THSD7B: variants seen among roughly 807,000 people sequenced by gnomAD.
The protein encoded by THSD7B is thrombospondin type-1 domain-containing protein 7B.
In THSD7B, 138 loss-of-function variants were observed where a neutral mutation model predicts 213.6. That is an observed-to-expected ratio of 0.65 (90% CI 0.56 to 0.74). The LOEUF (loss-of-function observed/expected upper bound fraction) is 0.74. THSD7B is among the 30% of genes least tolerant of loss of function. The pLI, the probability that THSD7B is intolerant of heterozygous loss-of-function variation, is 0.00. For missense variants in THSD7B, 1,931 were observed against 1,991.5 expected (o/e 0.97, Z 0.58); for synonymous variants, 742 against 687.0 (o/e 1.08, Z -1.25).
intron 3 of THSD7B, among the ~76,000 whole-genome samples, chr2:137,074,898 A>G (rs35696260): frequency 0.097 from 14,775 of 152,256 alleles, 983 homozygotes; most frequent in African/African-American, 0.19. Flanking sequence ...TTCTTTAAGA[A>G]TGTTAAATAT....
At chr2:137,335,049 A>G (rs1684607442) in intron 12 of THSD7B, among the ~76,000 whole-genome samples, 1 of 152,220 alleles carries the variant, frequency 6.6e-6, no homozygotes, top group Non-Finnish European at 1.5e-5. Context: ...TAAGTCAATT[A>G]AAGCTCTTTT....
At chr2:137,367,126 T>G (rs969990537) in intron 12 of THSD7B, among the ~76,000 whole-genome samples, 2 of 152,224 alleles carry the variant, frequency 1.3e-5, no homozygotes, top group African/African-American at 2.4e-5. Flanking sequence ...CCATGATGCA[T>G]CAAGTAGCTA....
intron 27 of THSD7B, among the ~76,000 whole-genome samples, chr2:137,675,403 CATATATAT>C (rs55940004): frequency 0.012 from 1,409 of 116,378 alleles, 24 homozygotes; most frequent in African/African-American, 0.038. Flanking sequence ...AAATGAATGC[CATATATAT>C]ATATATATAT....
chr2:136,824,610 C>A (rs910858775), intron 1 of THSD7B, among the ~76,000 whole-genome samples: 1 of 152,124 alleles, frequency 6.6e-6, no homozygotes, highest in African/African-American at 2.4e-5. Context: ...TTTGCAAACT[C>A]TAACACATGG....
At chr2:137,432,623 G>A (rs1371567441) in intron 14 of THSD7B, among the ~76,000 whole-genome samples, 1 of 152,156 alleles carries the variant, frequency 6.6e-6, no homozygotes, top group Non-Finnish European at 1.5e-5. Flanking sequence ...GCAGTAAAGG[G>A]AACATTGTGT....
chr2:137,375,384 A>G (rs1030188404), intron 12 of THSD7B, among the ~76,000 whole-genome samples: 1 of 152,212 alleles, frequency 6.6e-6, no homozygotes, highest in African/African-American at 2.4e-5. Flanking sequence ...GTTTACATTG[A>G]AAAATGAATC....
chr2:137,036,810 C>CTGTTG (rs1436972470), intron 2 of THSD7B, among the ~76,000 whole-genome samples: 1 of 152,144 alleles, frequency 6.6e-6, no homozygotes, highest in East Asian at 1.9e-4. Context: ...TACTGGAGTT[C>CTGTTG]TTGTCTGTCC....
chr2:137,579,103 G>GACAAAATA (rs1681522748), intron 17 of THSD7B, among the ~76,000 whole-genome samples: 1 of 152,004 alleles, frequency 6.6e-6, no homozygotes, highest in Non-Finnish European at 1.5e-5. Flanking sequence ...TATTCTAGAG[G>GACAAAATA]GTCTCAGTAC....
chr2:137,533,487 G>A (rs1680440447), intron 15 of THSD7B, among the ~76,000 whole-genome samples: 1 of 151,766 alleles, frequency 6.6e-6, no homozygotes, highest in African/African-American at 2.4e-5. Flanking sequence ...CTGACATTTA[G>A]CAAGAAGGTA....
chr2:137,021,873 A>G (rs1452920928), intron 2 of THSD7B, among the ~76,000 whole-genome samples: 1 of 152,182 alleles, frequency 6.6e-6, no homozygotes, highest in Non-Finnish European at 1.5e-5. Flanking sequence ...CTTTCACTGA[A>G]TGGACACTTT....
At chr2:136,968,798 T>A (rs571091801) in intron 2 of THSD7B, among the ~76,000 whole-genome samples, 1 of 152,136 alleles carries the variant, frequency 6.6e-6, no homozygotes, top group Non-Finnish European at 1.5e-5. Flanking sequence ...GCCTTTAAAC[T>A]TTTTTGGTTT....
intron 15 of THSD7B, among the ~76,000 whole-genome samples, chr2:137,537,861 A>G (rs919938784): frequency 2.6e-5 from 4 of 151,894 alleles, no homozygotes; most frequent in Admixed American, 6.6e-5. Flanking sequence ...AATATTTAAA[A>G]AAATATGATC....
intron 2 of THSD7B, among the ~76,000 whole-genome samples, chr2:136,892,501 T>C (rs1051818261): frequency 5.3e-5 from 8 of 150,870 alleles, no homozygotes; most frequent in Admixed American, 4.6e-4. Context: ...CTACCTACGC[T>C]GGACTACTGA....
intron 1 of THSD7B, among the ~76,000 whole-genome samples, chr2:136,819,660 G>C (rs1442584768): frequency 6.6e-6 from 1 of 152,044 alleles, no homozygotes; most frequent in Non-Finnish European, 1.5e-5. Context: ...GCAAGAGCTA[G>C]AGAGGCTCCT....
chr2:137,168,133 G>A (rs951979576), intron 6 of THSD7B, among the ~76,000 whole-genome samples: 1 of 152,106 alleles, frequency 6.6e-6, no homozygotes, highest in African/African-American at 2.4e-5. Flanking sequence ...CTTGGTAAAG[G>A]GTGGATGTTA....
intron 17 of THSD7B, among the ~76,000 whole-genome samples, chr2:137,613,736 T>G (rs1028514778): frequency 1.3e-5 from 2 of 152,164 alleles, no homozygotes; most frequent in African/African-American, 4.8e-5. Flanking sequence ...TCCAGAATTG[T>G]ATTTGAGGAG....
At chr2:137,315,058 T>A (rs1362405359) in intron 12 of THSD7B, among the ~76,000 whole-genome samples, 2 of 152,212 alleles carry the variant, frequency 1.3e-5, no homozygotes, top group East Asian at 3.9e-4. Flanking sequence ...CCCAGCTGCT[T>A]TGTTTACCTA....
At chr2:136,980,419 G>A (rs1685555125) in intron 2 of THSD7B, among the ~76,000 whole-genome samples, 1 of 152,190 alleles carries the variant, frequency 6.6e-6, no homozygotes, top group South Asian at 2.1e-4. Context: ...GGAGATAAGA[G>A]TTCTGTCCAT....
intron 7 of THSD7B, among the ~76,000 whole-genome samples, chr2:137,186,833 TC>T (rs1354222424): frequency 6.6e-6 from 1 of 152,200 alleles, no homozygotes; most frequent in Non-Finnish European, 1.5e-5. Flanking sequence ...ATTCTTCCAA[TC>T]CATGAACATG....
Sources: gnomAD v4.1 joint callset for allele counts (sites outside exome capture counted in the v4.1 genomes callset) on GRCh38, gnomAD v4.1.1 for gene constraint, MANE v1.5 for transcripts, NCBI Gene and HGNC (gene_info 2026-07-23, HGNC 2026-07-21) for gene names.